The following XPC variants were observed in gnomAD, a reference collection of about 807,000 sequenced individuals.
XPC encodes DNA repair protein complementing XP-C cells.
Under a neutral mutation model 95.8 loss-of-function variants are expected in XPC, and 76 were observed. That is an observed-to-expected ratio of 0.79 (90% CI 0.66 to 0.96). The LOEUF (loss-of-function observed/expected upper bound fraction) is 0.96, where lower values mean the gene tolerates loss of function less well. Ranked by LOEUF, XPC falls within the 40% of genes least tolerant of loss-of-function variation. The probability of loss-of-function intolerance (pLI) is 0.00; values close to 1 mark genes in which losing one functional copy is unlikely to be tolerated. For synonymous variants in XPC, 442 were observed against 442.1 expected, an observed-to-expected ratio of 1.00 and a Z score of 0.00; for missense variants, 1,146 against 1,179.8, an observed-to-expected ratio of 0.97 and a Z score of 0.42.
At chr3:14,165,306 C>T (rs1696330914) in intron 6 of XPC, 122 bp downstream of exon 6, 1 of 1,302,202 alleles carries the variant, frequency 7.7e-7, no homozygotes, top group Non-Finnish European at 1.0e-6. Flanking sequence ...CAATGCCATG[C>T]CCACCACCTG....
At chr3:14,173,101 G>GA in intron 1 of XPC, 39 bp from the exon 2 acceptor site, 1 of 1,487,186 alleles carries the variant, frequency 6.7e-7, no homozygotes, top group Non-Finnish European at 8.9e-7. Flanking sequence ...GGGGTGGAAG[G>GA]AAAGGTGGAG....
chr3:14,148,083 TGGGCCACATCTGAGCACTAG>T (rs1319817056), intron 13 of XPC, 82 bp from the exon 14 acceptor site: 4 of 1,245,736 alleles, frequency 3.2e-6, no homozygotes, highest in Non-Finnish European at 4.5e-6. Context: ...TGGAAGACAG[TGGGCCACATCTGAGCACTAG>T]GGGTCCTGAA....
rs1225664839 is a variant in XPC, at chr3:14,156,439, G to A, written c.1929C>T (p.Asn643=). ...PLPTAIGLYK[N]HPLYALKRHL... Reference sequence around the variant, plus strand: ...GCCGCTTCAGGGCATACAGAGGGTGGTTCTTATATAAGCCAATGGCAGTGG... The same window carrying A: ...GCCGCTTCAGGGCATACAGAGGGTGATTCTTATATAAGCCAATGGCAGTGG... Residue 643 remains asparagine (N), a synonymous_variant, in exon 10 of 16, where the codon AAC becomes AAT. Transcript: ENST00000285021. The A allele has an allele frequency of 6.2e-7, 1 of 1,614,028 alleles. No homozygotes were observed. Among genetic ancestry groups the A allele is most frequent in the Non-Finnish European group, 8.5e-7 (1 of 1,179,890 alleles).
intron 9 of XPC, 69 bp from the exon 10 acceptor site, chr3:14,156,564 T>G: frequency 8.2e-6 from 13 of 1,582,200 alleles, no homozygotes; most frequent in African/African-American, 1.3e-5. Flanking sequence ...AGGGAGATGA[T>G]CCTTAGACTA....
In XPC at chr3:14,148,912, G is replaced by A. The variant is rs754775337; in HGVS notation, c.2152C>T (p.Arg718Ter). ...KGFSNRARKA[R>*]LAEPQLREEN... ...TCCCGCAGCTGGGGCTCAGCAAGTCGGGCTTTCCGAGCACGGTTAGAAAAG... is the reference window on the plus strand; with the variant it reads ...TCCCGCAGCTGGGGCTCAGCAAGTCAGGCTTTCCGAGCACGGTTAGAAAAG... Residue 718 changes from arginine to a stop codon, truncating the protein, a stop_gained, in exon 12 of 16, where the codon CGA (arginine) becomes TGA (stop). Coordinates refer to ENST00000285021, the MANE Select transcript of XPC (RefSeq NM_004628.5). LOFTEE classifies it high-confidence loss of function. 4.3e-6 allele frequency: 7 copies of A among 1,613,954 alleles called. No homozygotes were observed. Among genetic ancestry groups the A allele is most frequent in the Non-Finnish European group, 5.9e-6 (7 of 1,179,880 alleles).
At chr3:14,149,569 C>T (rs1695601277) in intron 11 of XPC, 1 of 152,266 alleles carries the variant, frequency 6.6e-6, no homozygotes, top group Non-Finnish European at 1.5e-5. Context: ...TCAAGTGATT[C>T]TCGTGCCTGT....
intron 15 of XPC, 70 bp from the exon 16 acceptor site, chr3:14,146,229 G>T (rs1448976361): frequency 7.0e-7 from 1 of 1,420,416 alleles, no homozygotes; most frequent in Non-Finnish European, 9.6e-7. Flanking sequence ...GCCCCATGAA[G>T]AGGCAGCAAG....
In XPC at chr3:14,145,905, A is replaced by T. The variant is rs2125004210; in HGVS notation, c.*36T>A. ...GGTGTGGGGCCTGTAGTGGGGCAGCAGCAACTGGTGGGTGCCCCTCTAGTG... is the reference window on the plus strand; with the variant it reads ...GGTGTGGGGCCTGTAGTGGGGCAGCTGCAACTGGTGGGTGCCCCTCTAGTG... On this transcript the variant is annotated 3_prime_UTR_variant, in exon 16 of 16. Coordinates refer to ENST00000285021, the MANE Select transcript of XPC (RefSeq NM_004628.5). The T allele has an allele frequency of 1.3e-6, 2 of 1,585,592 alleles. No homozygotes were observed. Among genetic ancestry groups the T allele is most frequent in the Non-Finnish European group, 1.7e-6 (2 of 1,161,248 alleles).
intron 4 of XPC, 47 bp downstream of exon 4, chr3:14,168,204 AGCTGTT>A: frequency 6.4e-7 from 1 of 1,554,468 alleles, no homozygotes; most frequent in Non-Finnish European, 8.7e-7. Flanking sequence ...CCTAAGCAGC[AGCTGTT>A]GCCTACTGCA....
rs1436458987 is a variant in XPC, at chr3:14,146,089, G to C, written c.2675C>G (p.Ser892Cys). The change falls in exon 16 of 16, where the codon TCT becomes TGT. Residue 892 changes from serine to cysteine, a missense_variant. Coordinates refer to ENST00000285021, the MANE Select transcript of XPC (RefSeq NM_004628.5). ...CAGTATCCTGGCCGCTTCTGCTTGA[G>C]AGCTGGTCCCCTCCTCTTCATCAGA... ...LSSDEEEGTS[S>C]QAEAARILAA... is the part of the protein sequence containing the mutation. 5 of 1,612,330 alleles carry C rather than the reference G, an allele frequency of 3.1e-6. No individual in the cohort carries two copies. The highest frequency in any genetic ancestry group is 2.2e-5 in the South Asian group (2 of 90,902).
In XPC at chr3:14,178,527, G is replaced by C. The variant is rs367615488; in HGVS notation, c.42C>G (p.Arg14=). ...CCTTGGATTTCTGGCTGCGCAGTTC[G>C]CGTCCCCGCGGCTCCCCGCCGGCCG... ...KRAAGGEPRG[R]ELRSQKSKAK... is the part of the protein sequence containing the mutation. The change falls in exon 1 of 16, where the codon CGC becomes CGG. Residue 14 remains arginine (R), a synonymous_variant. Transcript: ENST00000285021. The C allele has an allele frequency of 1.5e-5, 24 of 1,612,862 alleles. No individual in the cohort carries two copies. Among genetic ancestry groups the C allele is most frequent in the Non-Finnish European group, 1.9e-5 (23 of 1,179,568 alleles).
intron 1 of XPC, among the ~76,000 whole-genome samples, chr3:14,173,527 A>T (rs1003052987): frequency 3.9e-5 from 6 of 152,216 alleles, no homozygotes; most frequent in Admixed American, 6.5e-5. Context: ...AACCTTCAAG[A>T]CCAAACTGCT....
rs1458348622 is a variant in XPC, at chr3:14,147,895, C to T, written c.2514+13G>A. On this transcript the variant is annotated intron_variant, in intron 14 of 15. Transcript: ENST00000285021. ...CCGCTTCTGCTGTCCCTCAGTCCTG[C>T]ATATGCGCTTACCTCCTTCTCCTTC... is the stretch of plus-strand genomic sequence containing the variant. 6.3e-7 allele frequency: 1 copy of T among 1,588,330 alleles called. No homozygotes were observed. The highest frequency in any genetic ancestry group is 8.6e-7 in the Non-Finnish European group (1 of 1,166,126).
rs539858805 is a variant in XPC at position 14,178,534 on chromosome 3, C to G, written c.35G>C (p.Arg12Pro). ...TTTCTGGCTGCGCAGTTCGCGTCCC[C>G]GCGGCTCCCCGCCGGCCGCGCGTTT... ...ARKRAAGGEP[R>P]GRELRSQKSK... The change falls in exon 1 of 16, where the codon CGG (arginine) becomes CCG (proline). Residue 12 changes from arginine to proline, a missense_variant. Physicochemically the swap from Arg to Pro is moderately radical, Grantham distance 103. Coordinates refer to ENST00000285021, the MANE Select transcript of XPC (RefSeq NM_004628.5). 17 of 1,612,980 alleles carry G rather than the reference C, an allele frequency of 1.1e-5. No homozygotes were observed. In the African/African-American group the frequency reaches 2.1e-4, roughly 20 times the overall value.
chr3:14,145,956 T>TA lies in XPC; in HGVS notation c.2807_2808insT (p.Phe937IlefsTer2). On this transcript the variant is annotated frameshift_variant, in exon 16 of 16. Transcript: ENST00000285021. LOFTEE classifies it high-confidence loss of function. ...GGCGCTCAGCTCACAGCTGCTCAAA[T>TA]GGGAACAGGTGGGAAGCTGCTGCTT... is the stretch of plus-strand genomic sequence containing the variant. The TA allele has an allele frequency of 6.2e-7, 1 of 1,605,434 alleles. No individual in the cohort carries two copies.
At position 14,147,534 on chromosome 3, in the gene XPC, T is replaced by G. The variant is rs1695490312; in HGVS notation, c.2515-155A>C. The G allele has an allele frequency of 3.2e-5, 24 of 752,310 alleles. No individual in the cohort carries two copies. The South Asian group carries it at 4.3e-4, about 14-fold the overall frequency. 46.6% of individuals were successfully genotyped at this position (752,310 alleles called of 1,614,324 possible). On this transcript the variant is annotated intron_variant, in intron 14 of 15. Coordinates refer to ENST00000285021, the MANE Select transcript of XPC (RefSeq NM_004628.5). Reference sequence around the variant, plus strand: ...AAGTCTCACTTCCAAAAAATTGATCTGATTTACAAAGTGATATACTATACC... The same window carrying G: ...AAGTCTCACTTCCAAAAAATTGATCGGATTTACAAAGTGATATACTATACC...
intron 3 of XPC, among the ~76,000 whole-genome samples, 185 bp from the exon 4 acceptor site, chr3:14,168,565 G>A (rs753332425): frequency 2.0e-5 from 3 of 151,860 alleles, no homozygotes; most frequent in Non-Finnish European, 4.4e-5. Context: ...TGTGCTGAGT[G>A]TTATATATTC....
rs1696004690 is a variant in XPC at position 14,158,248 on chromosome 3, T to G, written c.1635A>C (p.Val545=). Residue 545 remains valine, a synonymous_variant, in exon 9 of 16, where the codon GTA becomes GTC. Transcript: ENST00000285021. The surrounding 1 kb of genome is among the most constrained non-coding windows in gnomAD (Gnocchi z 5.2). ...FCEQEEKWVC[V]DCVHGVVGQP... ...GGCCCACCACACCGTGCACACAGTC[T>G]ACACATACCCACTTTTCCTCCTGCT... The G allele has an allele frequency of 6.2e-7, 1 of 1,613,904 alleles. No homozygotes were observed. Among genetic ancestry groups the G allele is most frequent in the South Asian group, 1.1e-5 (1 of 91,090 alleles).
intron 2 of XPC, among the ~76,000 whole-genome samples, chr3:14,171,811 A>G (rs1342024292): frequency 5.9e-5 from 9 of 152,060 alleles, no homozygotes; most frequent in African/African-American, 2.2e-4. Flanking sequence ...CAACAGAGCG[A>G]GACTCCATTA....
Sources: allele counts gnomAD v4.1 joint callset (sites outside exome capture counted in the v4.1 genomes callset), GRCh38; gene constraint gnomAD v4.1.1; non-coding constraint Gnocchi (gnomAD v3.1); transcripts MANE v1.5; gene names NCBI Gene and HGNC (gene_info 2026-07-23, HGNC 2026-07-21).